The following STXBP5 variants were observed in gnomAD, a reference collection of about 807,000 sequenced individuals.
The protein encoded by STXBP5 is syntaxin binding protein 5, also known as syntaxin-binding protein 5.
A neutral mutation model predicts 152.4 loss-of-function variants in STXBP5; 50 were observed. The observed-to-expected ratio is 0.33, with a 90% CI of 0.26 to 0.42. The LOEUF is 0.42. Among genes scored for constraint, STXBP5 ranks in the 10% least tolerant of loss-of-function variants. STXBP5 has a pLI of 1.00. For missense variants in STXBP5, 1,167 were observed against 1,388.6 expected, an observed-to-expected ratio of 0.84 and a Z score of 2.54; for synonymous variants, 492 against 494.7, an observed-to-expected ratio of 0.99 and a Z score of 0.07.
chr6:147,227,853 C>A (rs924876310), intron 2 of STXBP5, among the ~76,000 whole-genome samples: 1 of 152,000 alleles, frequency 6.6e-6, no homozygotes, highest in African/African-American at 2.4e-5. Flanking sequence ...CAAGTGATAT[C>A]TTTTGAGTAC....
At chr6:147,296,098 G>A (rs1781509403) in intron 9 of STXBP5, among the ~76,000 whole-genome samples, 1 of 152,118 alleles carries the variant, frequency 6.6e-6, no homozygotes, top group South Asian at 2.1e-4. Flanking sequence ...AATGAGGGAG[G>A]CAGCCCTGGG....
At chr6:147,325,539 T>C (rs911684771) in intron 17 of STXBP5, among the ~76,000 whole-genome samples, 2 of 152,248 alleles carry the variant, frequency 1.3e-5, no homozygotes, top group Non-Finnish European at 2.9e-5. Context: ...ATAATTAATA[T>C]TCATTTATAC....
At chr6:147,351,349 T>C (rs1159965587) in intron 21 of STXBP5, among the ~76,000 whole-genome samples, 4 of 152,250 alleles carry the variant, frequency 2.6e-5, no homozygotes, top group Admixed American at 6.5e-5. Context: ...CCATATCATA[T>C]GATTTTTATC....
chr6:147,227,322 A>G (rs895518149), intron 2 of STXBP5, among the ~76,000 whole-genome samples: 4 of 152,170 alleles, frequency 2.6e-5, no homozygotes, highest in African/African-American at 9.6e-5. Flanking sequence ...TAAGTAGTAT[A>G]GTGTAGTGGG....
At chr6:147,260,439 T>C (rs982469876) in intron 4 of STXBP5, among the ~76,000 whole-genome samples, 176 bp from the exon 5 acceptor site, 1 of 152,160 alleles carries the variant, frequency 6.6e-6, no homozygotes, top group African/African-American at 2.4e-5. Context: ...GGCCTTATGT[T>C]TGATGTATAA....
At chr6:147,226,472 C>G (rs575960701) in intron 2 of STXBP5, among the ~76,000 whole-genome samples, 1 of 152,100 alleles carries the variant, frequency 6.6e-6, no homozygotes, top group Non-Finnish European at 1.5e-5. Context: ...CTTCCACACT[C>G]TAGGATGGAA....
intron 1 of STXBP5, among the ~76,000 whole-genome samples, chr6:147,205,359 A>T (rs1776485817): frequency 7.7e-6 from 1 of 130,346 alleles, no homozygotes; most frequent in Non-Finnish European, 1.6e-5. Flanking sequence ...GTCAGAGTTA[A>T]TTAAAAGTGT....
intron 2 of STXBP5, among the ~76,000 whole-genome samples, chr6:147,234,363 GTTTT>G (rs376969191): frequency 6.6e-6 from 1 of 150,532 alleles, no homozygotes; most frequent in African/African-American, 2.4e-5. Context: ...CAAATGTACA[GTTTT>G]TTTTTCTGTT....
chr6:147,308,712 C>T (rs1392589637), intron 9 of STXBP5, among the ~76,000 whole-genome samples: 2 of 152,102 alleles, frequency 1.3e-5, no homozygotes, highest in East Asian at 3.8e-4. Flanking sequence ...ACATCTATTG[C>T]ATTGATATTT....
chr6:147,336,555 G>A (rs1783834126), intron 19 of STXBP5, among the ~76,000 whole-genome samples: 2 of 151,612 alleles, frequency 1.3e-5, no homozygotes. Flanking sequence ...AGAACCACAA[G>A]GGGATCATGT....
intron 21 of STXBP5, among the ~76,000 whole-genome samples, chr6:147,340,582 T>C (rs1157705226): frequency 6.6e-6 from 1 of 152,110 alleles, no homozygotes; most frequent in African/African-American, 2.4e-5. Context: ...TGTCATATTA[T>C]GCAAAAAGAA....
At chr6:147,373,863 C>T (rs544473420) in intron 26 of STXBP5, 21 bp downstream of exon 26, 29 of 1,557,888 alleles carry the variant, frequency 1.9e-5, no homozygotes, top group South Asian at 2.2e-5. Context: ...TTATTTAATT[C>T]GGATAATATA....
intron 6 of STXBP5, among the ~76,000 whole-genome samples, chr6:147,264,134 A>G (rs1216143684): frequency 3.3e-5 from 5 of 151,794 alleles, no homozygotes; most frequent in Non-Finnish European, 5.9e-5. Flanking sequence ...TATATTATCT[A>G]AACTTTGGTT....
At chr6:147,315,868 A>G (rs1782616520) in intron 15 of STXBP5, 133 bp downstream of exon 15, 1 of 733,338 alleles carries the variant, frequency 1.4e-6, no homozygotes, top group East Asian at 2.7e-5. Context: ...TTATATTATT[A>G]TCTCTCTTTT....
intron 2 of STXBP5, among the ~76,000 whole-genome samples, chr6:147,225,172 A>G (rs991506610): frequency 6.6e-6 from 1 of 152,202 alleles, no homozygotes; most frequent in African/African-American, 2.4e-5. Flanking sequence ...AAGAAGGAAC[A>G]GTTTTCCCTT....
rs908164453 is a variant in STXBP5 at position 147,324,964 on chromosome 6, A to G, written c.1808A>G (p.Lys603Arg). The change falls in exon 17 of 28, where the codon AAA (lysine) becomes AGA (arginine). Residue 603 changes from lysine to arginine, a missense_variant. Transcript: ENST00000321680. Reference sequence around the variant, plus strand: ...CATGTTTTCTTTTATTTTAGAGTTAAAAACTCACCACTTAAACAGTCTCCA... The same window carrying G: ...CATGTTTTCTTTTATTTTAGAGTTAGAAACTCACCACTTAAACAGTCTCCA... Reference protein sequence around the residue: ...LRDNVPCLKVKNSPLKQSPGY... With the variant: ...LRDNVPCLKVRNSPLKQSPGY... The G allele has an allele frequency of 1.3e-6, 2 of 1,535,754 alleles. No individual in the cohort carries two copies. Among genetic ancestry groups the G allele is most frequent in the African/African-American group, 2.8e-5 (2 of 72,452 alleles).
At chr6:147,235,790 T>C (rs1174583441) in intron 3 of STXBP5, among the ~76,000 whole-genome samples, 2 of 152,182 alleles carry the variant, frequency 1.3e-5, no homozygotes, top group Non-Finnish European at 2.9e-5. Flanking sequence ...TTAATTGCTT[T>C]AAGTAATTGA....
At chr6:147,283,966 G>T (rs1200586750) in intron 8 of STXBP5, among the ~76,000 whole-genome samples, 2 of 152,144 alleles carry the variant, frequency 1.3e-5, no homozygotes, top group Non-Finnish European at 2.9e-5. Context: ...AGCTGCGTGT[G>T]TGATTCTAAA....
chr6:147,365,504 T>C (rs1785251963), intron 25 of STXBP5, among the ~76,000 whole-genome samples: 1 of 152,216 alleles, frequency 6.6e-6, no homozygotes, highest in Non-Finnish European at 1.5e-5. Flanking sequence ...TTAGTTGGTG[T>C]TTTCTTTAAT....
Sources: allele counts gnomAD v4.1 joint callset (sites outside exome capture counted in the v4.1 genomes callset), GRCh38; gene constraint gnomAD v4.1.1; transcripts MANE v1.5; gene names NCBI Gene and HGNC (gene_info 2026-07-23, HGNC 2026-07-21).